CACNA1B: variants seen among roughly 807,000 people sequenced by gnomAD.
CACNA1B encodes the protein voltage-dependent N-type calcium channel subunit alpha-1B.
In CACNA1B, 70 loss-of-function variants were observed where a neutral mutation model predicts 247.2. That is an observed-to-expected ratio of 0.28 (90% confidence interval 0.23 to 0.35). CACNA1B has a LOEUF of 0.35. Among genes scored for constraint, CACNA1B ranks in the 10% least tolerant of loss-of-function variants. The probability of loss-of-function intolerance (pLI) is 1.00; values close to 1 mark genes in which losing one functional copy is unlikely to be tolerated. For synonymous variants in CACNA1B, 1,231 were observed against 1,294.4 expected (o/e 0.95, Z 1.05); for missense variants, 2,367 against 3,197.4 (o/e 0.74, Z 6.26).
At position 138,110,978 on chromosome 9, in the gene CACNA1B, T is replaced by TA. The variant is rs35447490; in HGVS notation, c.5429-1407dup. On this transcript the variant is annotated intron_variant, in intron 39 of 46. Transcript: ENST00000371372. ...TTAATCATTAGACAAATCCAGAATT[T>TA]AAAAAAAAAAAAACCACAACGAGAT... Among the ~76,000 whole-genome samples the TA allele has an allele frequency of 8.3e-3, 1,187 of 143,788 alleles. 6 individuals are homozygous for TA. The highest frequency in any genetic ancestry group is 0.018 in the Middle Eastern group (5 of 284). 94.3% of individuals were successfully genotyped at this position (143,788 alleles called of 152,430 possible).
Position 138,007,820 on chromosome 9 carries a change from C to T in CACNA1B, c.2092+936C>T, listed in dbSNP as rs114627489. On this transcript the variant is annotated intron_variant, in intron 16 of 46. Coordinates refer to ENST00000371372, the MANE Select transcript of CACNA1B (RefSeq NM_000718.4). This position sits in a 1 kb window ranked among gnomAD's most constrained non-coding sequence, Gnocchi z 4.1. The stretch of plus-strand genomic sequence containing the variant: ...CGACCTCCCGGCTCTGCTTCTACCC[C>T]GAACTTCTCACACACGATGGCCACT... Among the ~76,000 whole-genome samples the T allele has an allele frequency of 1.2e-4, 18 of 152,306 alleles. No individual in the cohort carries two copies. Among genetic ancestry groups the T allele is most frequent in the South Asian group, 4.1e-4 (2 of 4,824 alleles).
intron 31 of CACNA1B, among the ~76,000 whole-genome samples, chr9:138,069,471 T>C (rs546816691): frequency 7.2e-5 from 11 of 152,366 alleles, no homozygotes; most frequent in African/African-American, 2.6e-4. Flanking sequence ...TTCAAAAATA[T>C]GTTTTGATCT....
intron 3 of CACNA1B, among the ~76,000 whole-genome samples, chr9:137,901,287 C>T (rs951966068): frequency 6.7e-6 from 1 of 148,482 alleles, no homozygotes; most frequent in East Asian, 2.0e-4. Context: ...TCTGTGTGTC[C>T]GTGTCTGTGC....
At position 138,118,749 on chromosome 9, in the gene CACNA1B, G is replaced by A. The variant is rs200816756; in HGVS notation, c.6011G>A (p.Arg2004His). 9.2e-6 allele frequency: 14 copies of A among 1,522,522 alleles called. No homozygotes were observed. Among genetic ancestry groups the A allele is most frequent in the East Asian group, 4.9e-5 (2 of 40,794 alleles). 94.3% of individuals were successfully genotyped at this position (1,522,522 alleles called of 1,614,324 possible). A position where few individuals can be genotyped will look rare whatever the true frequency, so the allele number is the denominator to read the frequency against. ...ESQGRAASMP[R>H]LAAETQPVTD... ...CAGGGTCGAGCGGCCTCCATGCCCC[G>A]CCTTGCGGCCGAGACTCAGGTAGGT... Residue 2004 changes from arginine (R) to histidine (H), a missense_variant, in exon 44 of 47, where the codon CGC becomes CAC. Physicochemically the swap from Arg to His is conservative, Grantham distance 29 (BLOSUM62 0). Coordinates refer to ENST00000371372, the MANE Select transcript of CACNA1B (RefSeq NM_000718.4).
chr9:138,071,949 C>T (rs956377845), intron 32 of CACNA1B, among the ~76,000 whole-genome samples: 3 of 152,026 alleles, frequency 2.0e-5, no homozygotes, highest in African/African-American at 7.3e-5. Context: ...CACGGGACTG[C>T]GGCCCTCCAC....
intron 15 of CACNA1B, among the ~76,000 whole-genome samples, chr9:137,994,665 G>C (rs1958475170): frequency 6.6e-6 from 1 of 152,172 alleles, no homozygotes; most frequent in South Asian, 2.1e-4. Context: ...GGAGGTGAAA[G>C]AGCTCTACAA....
rs755372264 is a variant in CACNA1B at position 138,073,462 on chromosome 9, C to T, written c.4675-26C>T. ...CTGCGCTTTCGGGGCTTCTGAAGGT[C>T]AGAGAACAATTCCTCTTCTCTGCAG... On this transcript the variant is annotated intron_variant, in intron 32 of 46. Coordinates refer to ENST00000371372, the MANE Select transcript of CACNA1B (RefSeq NM_000718.4). The surrounding 1 kb of genome is among the most constrained non-coding windows in gnomAD (Gnocchi z 6.4). 3 of 1,464,522 alleles carry T rather than the reference C, an allele frequency of 2.0e-6. No individual in the cohort carries two copies. In the African/African-American group the frequency reaches 4.2e-5, roughly 20 times the overall value. 90.7% of individuals were successfully genotyped at this position (1,464,522 alleles called of 1,614,324 possible).
At chr9:138,096,347 G>T in intron 36 of CACNA1B, 137 bp from the exon 37 acceptor site, 1 of 666,450 alleles carries the variant, frequency 1.5e-6, no homozygotes, top group Middle Eastern at 4.0e-4. Context: ...GGGGAGAGCA[G>T]ATCGGGCATG....
Position 137,993,796 on chromosome 9 carries a change from C to T in CACNA1B, c.1974+6942C>T, listed in dbSNP as rs187900864. Among the ~76,000 whole-genome samples the T allele has an allele frequency of 3.8e-4, 58 of 152,182 alleles. 1 individual carries two copies. Among genetic ancestry groups the T allele is most frequent in the African/African-American group, 1.3e-3 (53 of 41,534 alleles). ...AAAGAAGAATTGGTACCAATCCTAT[C>T]GACACTATTCCACAAGGTAGAGAAA... is the stretch of plus-strand genomic sequence containing the variant. On this transcript the variant is annotated intron_variant, in intron 15 of 46. Transcript: ENST00000371372.
chr9:138,035,609 T>C (rs1959033078), intron 20 of CACNA1B, among the ~76,000 whole-genome samples: 1 of 151,592 alleles, frequency 6.6e-6, no homozygotes, highest in African/African-American at 2.4e-5. Context: ...CCTCCTTCCC[T>C]TGATAAGCCC....
rs1037474911 is a variant in CACNA1B, at chr9:137,971,045, T to C, written c.1334-338T>C. Among the ~76,000 whole-genome samples the C allele has an allele frequency of 2.6e-5, 4 of 152,118 alleles. 1 individual carries two copies. Among genetic ancestry groups the C allele is most frequent in the Non-Finnish European group, 5.9e-5 (4 of 68,010 alleles). On this transcript the variant is annotated intron_variant, in intron 10 of 46. Coordinates refer to ENST00000371372, the MANE Select transcript of CACNA1B (RefSeq NM_000718.4). The surrounding 1 kb of genome is among the most constrained non-coding windows in gnomAD (Gnocchi z 4.4). ...GGAGGGACTAACTCAGATTTATGTC[T>C]TCAGGGGAAAAAGCTTGGGGTGCTC...
chr9:138,015,615 T>G (rs1452411836), intron 18 of CACNA1B, among the ~76,000 whole-genome samples: 1 of 152,228 alleles, frequency 6.6e-6, no homozygotes, highest in Non-Finnish European at 1.5e-5. Context: ...GCGGGGCCAA[T>G]GCCGGGCTTG....
At chr9:138,031,113 G>A (rs1958982868) in intron 20 of CACNA1B, among the ~76,000 whole-genome samples, 1 of 151,790 alleles carries the variant, frequency 6.6e-6, no homozygotes, top group African/African-American at 2.4e-5. Flanking sequence ...TTCTTTTCTA[G>A]TTTCTTGGGG....
intron 39 of CACNA1B, among the ~76,000 whole-genome samples, chr9:138,108,705 G>A (rs1961522848): frequency 6.6e-6 from 1 of 151,644 alleles, no homozygotes; most frequent in Non-Finnish European, 1.5e-5. Flanking sequence ...CTGGAGTGCA[G>A]TGGCACGATC....
In CACNA1B at chr9:137,971,520, G is replaced by A. The variant is rs371923901; in HGVS notation, c.1471G>A (p.Val491Met). 21 of 1,613,812 alleles carry A rather than the reference G, an allele frequency of 1.3e-5. No homozygotes were observed. Among genetic ancestry groups the A allele is most frequent in the Admixed American group, 3.3e-5 (2 of 59,984 alleles). Residue 491 changes from valine (V) to methionine (M), a missense_variant, in exon 11 of 47, where the codon GTG becomes ATG. Physicochemically the swap from Val to Met is conservative, Grantham distance 21. Coordinates refer to ENST00000371372, the MANE Select transcript of CACNA1B (RefSeq NM_000718.4). The surrounding 1 kb of genome is among the most constrained non-coding windows in gnomAD (Gnocchi z 4.4). Reference protein sequence around the residue: ...AQSFYWVVLCVVALNTLCVAM... With the variant: ...AQSFYWVVLCMVALNTLCVAM... ...GAGCTTCTACTGGGTGGTGCTGTGCGTGGTGGCCCTGAACACACTGTGTGT... is the reference window on the plus strand; with the variant it reads ...GAGCTTCTACTGGGTGGTGCTGTGCATGGTGGCCCTGAACACACTGTGTGT...
At position 137,976,010 on chromosome 9, in the gene CACNA1B, C is replaced by T. The variant is rs764297799; in HGVS notation, c.1647C>T (p.Phe549=). ...RSYFRSSFNC[F]DFGVIVGSVF... is the part of the protein sequence containing the mutation. ...ACTTCCGGTCCTCCTTCAACTGCTTCGACTTTGGGGTGAGTGAGAGGCCTG... is the reference window on the plus strand; with the variant it reads ...ACTTCCGGTCCTCCTTCAACTGCTTTGACTTTGGGGTGAGTGAGAGGCCTG... The change falls in exon 12 of 47, where the codon TTC becomes TTT. Residue 549 remains phenylalanine, a synonymous_variant. Transcript: ENST00000371372. The T allele has an allele frequency of 3.9e-5, 63 of 1,604,408 alleles. No individual in the cohort carries two copies. The highest frequency in any genetic ancestry group is 4.4e-5 in the South Asian group (4 of 90,788).
chr9:138,119,801 T>C (rs1962016031), intron 44 of CACNA1B, among the ~76,000 whole-genome samples: 1 of 152,154 alleles, frequency 6.6e-6, no homozygotes, highest in African/African-American at 2.4e-5. Context: ...CCAGGTGTCT[T>C]CACGGGTCCT....
At chr9:137,989,986 G>A (rs566063419) in intron 15 of CACNA1B, among the ~76,000 whole-genome samples, 51 of 152,306 alleles carry the variant, frequency 3.3e-4, no homozygotes, top group Admixed American at 2.7e-3. Context: ...AGACAGAACA[G>A]CGTCTGGAGA....
chr9:138,069,680 T>C, intron 31 of CACNA1B, 78 bp from the exon 32 acceptor site: 1 of 1,069,184 alleles, frequency 9.4e-7, no homozygotes, highest in Non-Finnish European at 1.5e-6. Flanking sequence ...TCCGTCTGTA[T>C]GTTGTGCACC....
Sources: allele counts gnomAD v4.1 joint callset (sites outside exome capture counted in the v4.1 genomes callset), GRCh38; gene constraint gnomAD v4.1.1; non-coding constraint Gnocchi (gnomAD v3.1); transcripts MANE v1.5; gene names NCBI Gene and HGNC (gene_info 2026-07-23, HGNC 2026-07-21).